The following GABRB1 variants were observed in gnomAD, a reference collection of about 807,000 sequenced individuals.
GABRB1 encodes gamma-aminobutyric acid type A receptor subunit beta1.
GABRB1 carries 17 observed loss-of-function variants against 51.6 expected under a neutral mutation model. The observed-to-expected ratio is 0.33, with a 90% CI of 0.23 to 0.49. The LOEUF is 0.49. Ranked by LOEUF, GABRB1 falls within the 20% of genes least tolerant of loss-of-function variation. GABRB1 has a pLI of 0.99. For missense variants in GABRB1, 410 were observed against 600.6 expected (o/e 0.68, Z 3.32); for synonymous variants, 247 against 218.9 (o/e 1.13, Z -1.14).
intron 4 of GABRB1, among the ~76,000 whole-genome samples, chr4:47,306,902 A>G (rs1028262906): frequency 2.0e-5 from 3 of 152,100 alleles, no homozygotes; most frequent in Non-Finnish European, 2.9e-5. Context: ...GTGTTTACTC[A>G]TTTTGCTTTT....
At chr4:47,378,244 G>C (rs1234874946) in intron 5 of GABRB1, among the ~76,000 whole-genome samples, 1 of 152,194 alleles carries the variant, frequency 6.6e-6, no homozygotes, top group East Asian at 1.9e-4. Flanking sequence ...AGCGCCAGTG[G>C]GCCAGCACTG....
chr4:47,232,562 A>G (rs895591978), intron 4 of GABRB1, among the ~76,000 whole-genome samples: 7 of 152,282 alleles, frequency 4.6e-5, no homozygotes, highest in African/African-American at 1.7e-4. Context: ...CTCAAACTTG[A>G]TTACAGTATC....
chr4:47,077,499 C>G (rs1206843434), intron 3 of GABRB1, among the ~76,000 whole-genome samples: 1 of 151,936 alleles, frequency 6.6e-6, no homozygotes, highest in Non-Finnish European at 1.5e-5. Context: ...TTAAATATGC[C>G]TTTGAGACAA....
At chr4:47,199,079 C>T (rs1183510970) in intron 4 of GABRB1, among the ~76,000 whole-genome samples, 3 of 152,088 alleles carry the variant, frequency 2.0e-5, no homozygotes, top group African/African-American at 7.2e-5. Flanking sequence ...GGCACAGAGC[C>T]AAACCATATC....
intron 4 of GABRB1, among the ~76,000 whole-genome samples, chr4:47,270,033 A>T (rs899543045): frequency 4.6e-5 from 7 of 151,510 alleles, no homozygotes; most frequent in African/African-American, 1.7e-4. Context: ...AACTAGCTCA[A>T]CCTAATTGGT....
At chr4:47,350,206 T>TAGAG (rs1289991962) in intron 5 of GABRB1, among the ~76,000 whole-genome samples, 82 of 93,590 alleles carry the variant, frequency 8.8e-4, no homozygotes, top group South Asian at 1.9e-3. Flanking sequence ...TATATATATA[T>TAGAG]ATATATATAT....
At chr4:47,388,567 C>T (rs1727878163) in intron 5 of GABRB1, among the ~76,000 whole-genome samples, 1 of 152,168 alleles carries the variant, frequency 6.6e-6, no homozygotes, top group Admixed American at 6.5e-5. Context: ...AAATCTGCTG[C>T]TGCTTAATTC....
chr4:47,039,359 C>CAA (rs10603411), intron 3 of GABRB1, among the ~76,000 whole-genome samples: 175 of 65,534 alleles, frequency 2.7e-3, no homozygotes, highest in African/African-American at 4.4e-3. Flanking sequence ...AAAGAAAATA[C>CAA]AAAAAAAAAA....
At chr4:47,190,764 A>C (rs1719407739) in intron 4 of GABRB1, among the ~76,000 whole-genome samples, 1 of 152,136 alleles carries the variant, frequency 6.6e-6, no homozygotes. Context: ...TGATCTTGTG[A>C]AAACATATAT....
At chr4:47,196,146 A>G (rs981646153) in intron 4 of GABRB1, among the ~76,000 whole-genome samples, 19 of 152,278 alleles carry the variant, frequency 1.2e-4, no homozygotes, top group Admixed American at 1.2e-3. Context: ...AGGAATATGC[A>G]TCTAGATAAG....
intron 4 of GABRB1, among the ~76,000 whole-genome samples, chr4:47,186,374 C>A (rs1425645220): frequency 6.6e-6 from 1 of 151,540 alleles, no homozygotes; most frequent in Non-Finnish European, 1.5e-5. Context: ...CAATAACATC[C>A]CTATTTGTAA....
intron 4 of GABRB1, among the ~76,000 whole-genome samples, chr4:47,190,220 A>T (rs1041142812): frequency 6.6e-6 from 1 of 152,142 alleles, no homozygotes; most frequent in Non-Finnish European, 1.5e-5. Flanking sequence ...TCATTAGGAA[A>T]ATGAATTAAG....
chr4:47,151,048 A>T (rs956571536), intron 3 of GABRB1, among the ~76,000 whole-genome samples: 2 of 152,000 alleles, frequency 1.3e-5, no homozygotes, highest in African/African-American at 4.8e-5. Flanking sequence ...CCCAGGGACT[A>T]TCAAGAGACT....
At chr4:47,327,878 A>G (rs1179839613) in intron 5 of GABRB1, among the ~76,000 whole-genome samples, 1 of 152,212 alleles carries the variant, frequency 6.6e-6, no homozygotes, top group Non-Finnish European at 1.5e-5. Context: ...TCCCTGAGGA[A>G]TCGCCACACT....
intron 1 of GABRB1, among the ~76,000 whole-genome samples, chr4:47,004,089 A>G (rs1237669168): frequency 6.6e-6 from 1 of 151,996 alleles, no homozygotes; most frequent in Non-Finnish European, 1.5e-5. Flanking sequence ...CCTGGGTTCA[A>G]GCGGTTCCCC....
intron 3 of GABRB1, among the ~76,000 whole-genome samples, chr4:47,156,364 C>T (rs1410456434): frequency 2.6e-5 from 4 of 151,954 alleles, no homozygotes; most frequent in Non-Finnish European, 5.9e-5. Context: ...CTCAACCTTA[C>T]CACTATTGAC....
At chr4:47,287,306 A>C (rs1004996485) in intron 4 of GABRB1, among the ~76,000 whole-genome samples, 1 of 152,194 alleles carries the variant, frequency 6.6e-6, no homozygotes, top group Admixed American at 6.5e-5. Context: ...AATTTTGTCC[A>C]TGAGCCTTTC....
In GABRB1 at chr4:47,254,361, G is replaced by GTTT. The variant is rs56838956; in HGVS notation, c.462-65737_462-65735dup. 2.6e-3 allele frequency among the ~76,000 whole-genome samples: 213 copies of GTTT among 80,938 alleles called. 8 individuals carry two copies. Among genetic ancestry groups the GTTT allele is most frequent in the Non-Finnish European group, 3.4e-3 (150 of 44,308 alleles). 53.1% of individuals were successfully genotyped at this position (80,938 alleles called of 152,430 possible). A position where few individuals can be genotyped will look rare whatever the true frequency, so the allele number is the denominator to read the frequency against. On this transcript the variant is annotated intron_variant, in intron 4 of 8. Transcript: ENST00000295454. ...ATGGTGGATGATGTTTCTTTTCTTT[G>GTTT]TTTTTTTTTTTTTTTTTTTTTTTTT...
At chr4:47,371,340 A>G (rs1727187160) in intron 5 of GABRB1, among the ~76,000 whole-genome samples, 1 of 152,146 alleles carries the variant, frequency 6.6e-6, no homozygotes, top group African/African-American at 2.4e-5. Flanking sequence ...TCTATCACTG[A>G]TGAACATTTG....
Sources: allele counts gnomAD v4.1 joint callset (sites outside exome capture counted in the v4.1 genomes callset), GRCh38; gene constraint gnomAD v4.1.1; transcripts MANE v1.5; gene names NCBI Gene and HGNC (gene_info 2026-07-23, HGNC 2026-07-21).